Variants in GPC6 observed in about 807,000 individuals in gnomAD.
GPC6 encodes glypican-6.
Under a neutral mutation model 55.2 loss-of-function variants are expected in GPC6, and 14 were observed. The observed-to-expected ratio is 0.25, with a 90% CI of 0.17 to 0.40. The LOEUF is 0.40. Among genes scored for constraint, GPC6 ranks in the 10% least tolerant of loss-of-function variants. The probability of loss-of-function intolerance (pLI) is 1.00; values close to 1 mark genes in which losing one functional copy is unlikely to be tolerated. For synonymous variants in GPC6, 278 were observed against 259.6 expected, an observed-to-expected ratio of 1.07 and a Z score of -0.68; for missense variants, 641 against 708.5, an observed-to-expected ratio of 0.90 and a Z score of 1.08.
intron 1 of GPC6, among the ~76,000 whole-genome samples, chr13:93,461,577 T>TA (rs1024990404): frequency 3.5e-5 from 5 of 143,756 alleles, no homozygotes; most frequent in African/African-American, 1.3e-4. Context: ...TCTGAAACAA[T>TA]ATAGGGAACT....
At chr13:94,123,523 ATC>A (rs1319440117) in intron 4 of GPC6, among the ~76,000 whole-genome samples, 3 of 152,098 alleles carry the variant, frequency 2.0e-5, no homozygotes, top group Non-Finnish European at 1.5e-5. Flanking sequence ...GGCATCTTAT[ATC>A]TCTCTCTATT....
chr13:94,394,996 G>C (rs1018856999), intron 7 of GPC6, among the ~76,000 whole-genome samples: 1 of 152,126 alleles, frequency 6.6e-6, no homozygotes, highest in African/African-American at 2.4e-5. Context: ...AACAAAGCTC[G>C]CCTCTGACTC....
intron 2 of GPC6, among the ~76,000 whole-genome samples, chr13:93,808,562 A>C (rs1188948379): frequency 6.6e-6 from 1 of 152,156 alleles, no homozygotes; most frequent in Non-Finnish European, 1.5e-5. Context: ...TCAATTTTTA[A>C]AGTTTTAGTT....
intron 4 of GPC6, among the ~76,000 whole-genome samples, chr13:94,282,149 G>A (rs541701938): frequency 6.6e-6 from 1 of 152,302 alleles, no homozygotes; most frequent in African/African-American, 2.4e-5. Flanking sequence ...TCATGGTACT[G>A]TGTGCATTAG....
chr13:93,528,655 A>C (rs988384874), intron 1 of GPC6, among the ~76,000 whole-genome samples: 2 of 152,196 alleles, frequency 1.3e-5, no homozygotes, highest in Non-Finnish European at 1.5e-5. Flanking sequence ...GGCATCTTCT[A>C]AGGTAAATAT....
intron 1 of GPC6, among the ~76,000 whole-genome samples, chr13:93,388,978 A>C (rs1399917977): frequency 6.6e-6 from 1 of 152,090 alleles, no homozygotes; most frequent in African/African-American, 2.4e-5. Flanking sequence ...TTTTATTTTA[A>C]AGAAATTATA....
intron 3 of GPC6, among the ~76,000 whole-genome samples, chr13:93,833,107 T>TAGAG (rs367949345): frequency 0.026 from 2,853 of 108,922 alleles, 150 homozygotes; most frequent in Non-Finnish European, 0.039. Flanking sequence ...AGGTAGATGA[T>TAGAG]AGAGAGAGAG....
At position 93,355,805 on chromosome 13, in the gene GPC6, C is replaced by T. The variant is rs148124888; in HGVS notation, c.160+128189C>T. On this transcript the variant is annotated intron_variant, in intron 1 of 8. Transcript: ENST00000377047. ...GATGTTCTGGGGCAGGGTGGTGCTGCACGTTATGGGGGAAGGGAAATAAAA... is the reference window on the plus strand; with the variant it reads ...GATGTTCTGGGGCAGGGTGGTGCTGTACGTTATGGGGGAAGGGAAATAAAA... Among the ~76,000 whole-genome samples, 518 of 152,002 alleles carry T rather than the reference C, an allele frequency of 3.4e-3. 1 individual carries two copies. Among genetic ancestry groups the T allele is most frequent in the Non-Finnish European group, 5.7e-3 (386 of 67,996 alleles).
At chr13:94,195,703 G>A (rs184478908) in intron 4 of GPC6, among the ~76,000 whole-genome samples, 27 of 152,336 alleles carry the variant, frequency 1.8e-4, no homozygotes, top group African/African-American at 5.5e-4. Flanking sequence ...ATGAGACTTA[G>A]GGGTGTGCAA....
chr13:93,773,813 A>G (rs532653978), intron 2 of GPC6, among the ~76,000 whole-genome samples: 1 of 152,362 alleles, frequency 6.6e-6, no homozygotes, highest in African/African-American at 2.4e-5. Flanking sequence ...GCCATTGGCT[A>G]TACTGGCATC....
intron 4 of GPC6, among the ~76,000 whole-genome samples, chr13:94,100,148 C>T (rs971851196): frequency 2.6e-5 from 4 of 152,090 alleles, no homozygotes; most frequent in African/African-American, 9.7e-5. Flanking sequence ...ATATAATGTT[C>T]CATATTTACA....
intron 1 of GPC6, among the ~76,000 whole-genome samples, chr13:93,363,053 C>T (rs938543812): frequency 6.7e-6 from 1 of 150,284 alleles, no homozygotes; most frequent in South Asian, 2.1e-4. Flanking sequence ...TCTACCAAGA[C>T]GTTTCATAAG....
intron 1 of GPC6, among the ~76,000 whole-genome samples, chr13:93,504,097 T>C (rs960821633): frequency 2.6e-5 from 4 of 152,106 alleles, no homozygotes; most frequent in Admixed American, 2.6e-4. Flanking sequence ...GAGTACAACA[T>C]TAAGGTACTG....
At chr13:93,383,048 T>A (rs1875245453) in intron 1 of GPC6, among the ~76,000 whole-genome samples, 1 of 152,180 alleles carries the variant, frequency 6.6e-6, no homozygotes, top group Admixed American at 6.5e-5. Context: ...ATTTTGAGAT[T>A]ACAGCTCAGA....
At chr13:93,985,481 G>A (rs995527765) in intron 3 of GPC6, among the ~76,000 whole-genome samples, 3 of 150,548 alleles carry the variant, frequency 2.0e-5, no homozygotes, top group South Asian at 2.1e-4. Flanking sequence ...GCAACAAAGC[G>A]ACACCACCTA....
chr13:93,350,054 G>A (rs367579703), intron 1 of GPC6, among the ~76,000 whole-genome samples: 1 of 152,122 alleles, frequency 6.6e-6, no homozygotes, highest in East Asian at 1.9e-4. Context: ...TATTCTATTT[G>A]TCCACTTAAT....
chr13:94,075,854 C>G (rs1884894391), intron 4 of GPC6, among the ~76,000 whole-genome samples: 1 of 151,892 alleles, frequency 6.6e-6, no homozygotes, highest in African/African-American at 2.4e-5. Context: ...ATCTCTTTAT[C>G]TATCCATCAG....
chr13:93,991,096 G>A (rs906030058), intron 3 of GPC6, among the ~76,000 whole-genome samples: 6 of 151,956 alleles, frequency 3.9e-5, no homozygotes, highest in African/African-American at 1.5e-4. Context: ...GGACACAATA[G>A]AAAGATGAAC....
intron 1 of GPC6, among the ~76,000 whole-genome samples, chr13:93,410,426 A>G (rs930214196): frequency 2.6e-5 from 4 of 152,190 alleles, no homozygotes; most frequent in Non-Finnish European, 2.9e-5. Context: ...ACTTAGTGGC[A>G]TGCTCACGGG....
Sources: gnomAD v4.1 joint callset for allele counts (sites outside exome capture counted in the v4.1 genomes callset) on GRCh38, gnomAD v4.1.1 for gene constraint, MANE v1.5 for transcripts, NCBI Gene and HGNC (gene_info 2026-07-23, HGNC 2026-07-21) for gene names.